NAPEPLD: variants seen among roughly 807,000 people sequenced by gnomAD.
NAPEPLD encodes the protein N-acyl phosphatidylethanolamine phospholipase D.
NAPEPLD carries 23 observed loss-of-function variants against 38.1 expected under a neutral mutation model. The observed-to-expected ratio is 0.60, with a 90% CI of 0.43 to 0.86. The LOEUF (loss-of-function observed/expected upper bound fraction) is 0.86, where lower values mean the gene tolerates loss of function less well. Among genes scored for constraint, NAPEPLD ranks in the 40% least tolerant of loss-of-function variants. The probability of loss-of-function intolerance (pLI) is 0.00; values close to 1 mark genes in which losing one functional copy is unlikely to be tolerated. For synonymous variants in NAPEPLD, 147 were observed against 162.0 expected (o/e 0.91, Z 0.71); for missense variants, 411 against 476.8 (o/e 0.86, Z 1.28).
chr7:103,137,984 C>CT (rs11413343), intron 1 of NAPEPLD, among the ~76,000 whole-genome samples: 129,484 of 143,762 alleles, frequency 0.9, 59,802 homozygotes, highest in East Asian at 1. Context: ...TGCTTTTTTT[C>CT]TTTTTTTTTT....
intron 4 of NAPEPLD, among the ~76,000 whole-genome samples, chr7:103,109,804 A>G (rs889405694): frequency 6.6e-6 from 1 of 152,106 alleles, no homozygotes; most frequent in Non-Finnish European, 1.5e-5. Context: ...CAATGAATCC[A>G]GGAGCTGGAT....
chr7:103,144,904 C>T lies in NAPEPLD; in HGVS notation c.-17+3907G>A, dbSNP rs1376817587. Among the ~76,000 whole-genome samples, 4 of 152,062 alleles carry T rather than the reference C, an allele frequency of 2.6e-5. No homozygotes were observed. In the East Asian group the frequency reaches 7.7e-4, roughly 29 times the overall value. On this transcript the variant is annotated intron_variant, in intron 1 of 4. Coordinates refer to ENST00000465647, the MANE Select transcript of NAPEPLD (RefSeq NM_001122838.3). ...GTGCATGCCTGTAGTCCCAGCTACTCAGGAGGCTGAGGCACAAGAATTGCT... is the reference window on the plus strand; with the variant it reads ...GTGCATGCCTGTAGTCCCAGCTACTTAGGAGGCTGAGGCACAAGAATTGCT...
intron 4 of NAPEPLD, among the ~76,000 whole-genome samples, chr7:103,106,656 C>T (rs1803422360): frequency 6.6e-6 from 1 of 151,912 alleles, no homozygotes; most frequent in Non-Finnish European, 1.5e-5. Context: ...TGAGCAGAGC[C>T]CACTGCAGCT....
At position 103,148,977 on chromosome 7, in the gene NAPEPLD, T is replaced by C. The variant is rs146908630; in HGVS notation, c.-183A>G. 1,063 of 985,104 alleles carry C rather than the reference T, an allele frequency of 1.1e-3. 7 individuals are homozygous for C. The African/African-American group carries it at 0.017, about 16-fold the overall frequency. 61.0% of individuals were successfully genotyped at this position (985,104 alleles called of 1,614,324 possible). A position where few individuals can be genotyped will look rare whatever the true frequency, so the allele number is the denominator to read the frequency against. ...AACTCGCGAGGTGCGAAAATTCAAATGAAGCCCTGTCGCTCACAAGTGCGG... is the reference window on the plus strand; with the variant it reads ...AACTCGCGAGGTGCGAAAATTCAAACGAAGCCCTGTCGCTCACAAGTGCGG... On this transcript the variant is annotated 5_prime_UTR_variant, in exon 1 of 5. Coordinates refer to ENST00000465647, the MANE Select transcript of NAPEPLD (RefSeq NM_001122838.3).
chr7:103,103,665 C>CAT, intron 4 of NAPEPLD, 111 bp from the exon 5 acceptor site: 1 of 1,152,354 alleles, frequency 8.7e-7, no homozygotes, highest in Non-Finnish European at 1.2e-6. Context: ...TAGAATTAGG[C>CAT]CCTTTCTTTT....
chr7:103,149,073 T>A lies in NAPEPLD; in HGVS notation c.-279A>T. ...AGCCCGCTCCACTTCGCCGAAGAAT[T>A]CCAAACCACCCCAGGCTCAGCAGTG... On this transcript the variant is annotated 5_prime_UTR_variant, in exon 1 of 5. Coordinates refer to ENST00000465647, the MANE Select transcript of NAPEPLD (RefSeq NM_001122838.3). 5 of 985,086 alleles carry A rather than the reference T, an allele frequency of 5.1e-6. No homozygotes were observed. The highest frequency in any genetic ancestry group is 4.7e-5 in the South Asian group (1 of 21,260). The allele number at this position is 985,086 out of a possible 1,614,324, so 61.0% of individuals were successfully genotyped here.
At position 103,129,262 on chromosome 7, in the gene NAPEPLD, A is replaced by C. The variant is rs941072575; in HGVS notation, c.-16-470T>G. The C allele has an allele frequency of 7.3e-6, 7 of 963,952 alleles. No individual in the cohort carries two copies. In the South Asian group the frequency reaches 1.4e-4, roughly 20 times the overall value. The allele number at this position is 963,952 out of a possible 1,614,324, so 59.7% of individuals were successfully genotyped here. ...AACAAACAAACAAAACAAACATGAAAGAAAGAAGGATGTTTGCTTTACCTA... is the reference window on the plus strand; with the variant it reads ...AACAAACAAACAAAACAAACATGAACGAAAGAAGGATGTTTGCTTTACCTA... On this transcript the variant is annotated intron_variant, in intron 1 of 4. Coordinates refer to ENST00000465647, the MANE Select transcript of NAPEPLD (RefSeq NM_001122838.3).
chr7:103,115,415 C>CAA (rs1163974454), intron 3 of NAPEPLD: 7 of 365,106 alleles, frequency 1.9e-5, no homozygotes, highest in African/African-American at 6.3e-5. Flanking sequence ...TCACAGGAGG[C>CAA]AAAACCATCT....
chr7:103,128,992 G>A (rs1489419649), intron 1 of NAPEPLD, among the ~76,000 whole-genome samples, 200 bp from the exon 2 acceptor site: 2 of 152,156 alleles, frequency 1.3e-5, no homozygotes, highest in Non-Finnish European at 2.9e-5. Flanking sequence ...TGTGCCAGGC[G>A]CAGTGGCTCA....
intron 2 of NAPEPLD, among the ~76,000 whole-genome samples, chr7:103,122,433 G>C (rs780351786): frequency 1.3e-5 from 2 of 152,168 alleles, no homozygotes; most frequent in South Asian, 2.1e-4. Context: ...GGTAGACACA[G>C]ACAAAAGAGG....
At chr7:103,109,348 C>G (rs1037393561) in intron 4 of NAPEPLD, among the ~76,000 whole-genome samples, 2 of 152,298 alleles carry the variant, frequency 1.3e-5, no homozygotes, top group Admixed American at 6.5e-5. Context: ...AAGTAAAACA[C>G]TCCTCAACAA....
At chr7:103,105,218 G>A (rs1351579829) in intron 4 of NAPEPLD, among the ~76,000 whole-genome samples, 1 of 152,118 alleles carries the variant, frequency 6.6e-6, no homozygotes, top group African/African-American at 2.4e-5. Context: ...CCATAACCAT[G>A]GGACAAAACA....
Position 103,148,884 on chromosome 7 carries a change from T to A in NAPEPLD, c.-90A>T, listed in dbSNP as rs1311930349. On this transcript the variant is annotated 5_prime_UTR_variant, in exon 1 of 5. Coordinates refer to ENST00000465647, the MANE Select transcript of NAPEPLD (RefSeq NM_001122838.3). The stretch of plus-strand genomic sequence containing the variant: ...AGGATCTCAAATCCCAGACAGCTAC[T>A]CTCCCAAAGAGAAAAAAAATAATGC... 1.0e-6 allele frequency: 1 copy of A among 984,926 alleles called. No individual in the cohort carries two copies. Among genetic ancestry groups the A allele is most frequent in the African/African-American group, 1.8e-5 (1 of 57,106 alleles). The allele number at this position is 984,926 out of a possible 1,614,324, so 61.0% of individuals were successfully genotyped here.
chr7:103,141,062 C>G (rs944320058), intron 1 of NAPEPLD, among the ~76,000 whole-genome samples: 1 of 152,020 alleles, frequency 6.6e-6, no homozygotes. Context: ...AGTGACTCTA[C>G]TATCATATTG....
intron 4 of NAPEPLD, among the ~76,000 whole-genome samples, chr7:103,113,365 C>T (rs6465897): frequency 0.011 from 1,680 of 152,264 alleles, 35 homozygotes; most frequent in African/African-American, 0.039. Context: ...GTTGCTGCCT[C>T]ATGGCACAGG....
At chr7:103,129,063 C>CAA (rs1808410445) in intron 1 of NAPEPLD, among the ~76,000 whole-genome samples, 1 of 152,040 alleles carries the variant, frequency 6.6e-6, no homozygotes, top group Admixed American at 6.5e-5. Context: ...GTCGGGAGTT[C>CAA]GAGACCAGCC....
At chr7:103,132,047 G>C (rs886500641) in intron 1 of NAPEPLD, among the ~76,000 whole-genome samples, 1 of 152,210 alleles carries the variant, frequency 6.6e-6, no homozygotes, top group Admixed American at 6.5e-5. Flanking sequence ...CCAGGAGGCG[G>C]AGGTTGCGGA....
rs1364042718 is a variant in NAPEPLD, at chr7:103,128,511, T to C, written c.266A>G (p.Asp89Gly). Residue 89 changes from aspartate to glycine, a missense_variant, in exon 2 of 5, where the codon GAT (aspartate) becomes GGT (glycine). Coordinates refer to ENST00000465647, the MANE Select transcript of NAPEPLD (RefSeq NM_001122838.3). ...NVLRWLIMEK[D>G]HSSVPSSKEE... ...TTTAGAACTTGGAACACTGCTGTGA[T>C]CTTTCTCCATTATCAGCCATCTGAG... 1.9e-6 allele frequency: 3 copies of C among 1,614,222 alleles called. No homozygotes were observed. The South Asian group carries it at 3.3e-5, about 18-fold the overall frequency.
upstream of NAPEPLD, chr7:103,149,432 G>A (rs939147934): frequency 2.2e-5 from 27 of 1,246,448 alleles, no homozygotes; most frequent in East Asian, 1.5e-4. Flanking sequence ...TGGCTCCGCC[G>A]AGGACGCCAG....
Sources: allele counts gnomAD v4.1 joint callset (sites outside exome capture counted in the v4.1 genomes callset), GRCh38; gene constraint gnomAD v4.1.1; transcripts MANE v1.5; gene names NCBI Gene and HGNC (gene_info 2026-07-23, HGNC 2026-07-21).